The following BCAS1 variants were observed in gnomAD, a reference collection of about 807,000 sequenced individuals.
The protein encoded by BCAS1 is breast carcinoma-amplified sequence 1.
A neutral mutation model predicts 65.4 loss-of-function variants in BCAS1; 46 were observed. The ratio of observed to expected loss-of-function variants is 0.70; its 90% CI spans 0.55 to 0.90. The LOEUF (loss-of-function observed/expected upper bound fraction) is 0.90. Among genes scored for constraint, BCAS1 ranks in the 40% least tolerant of loss-of-function variants. BCAS1 has a pLI of 0.00. For synonymous variants in BCAS1, 298 were observed against 293.5 expected (o/e 1.02, Z -0.16); for missense variants, 793 against 771.2 (o/e 1.03, Z -0.33).
At chr20:53,948,358 T>TA (rs376736463) in intron 12 of BCAS1, among the ~76,000 whole-genome samples, 15 of 123,370 alleles carry the variant, frequency 1.2e-4, no homozygotes, top group African/African-American at 2.7e-4. Context: ...CTTCATTTAT[T>TA]AAAAAAAAAT....
At chr20:54,054,734 G>A (rs6127073) in intron 3 of BCAS1, among the ~76,000 whole-genome samples, 25,682 of 152,192 alleles carry the variant, frequency 0.17, 2,338 homozygotes, top group East Asian at 0.36. Flanking sequence ...AATAACCCAT[G>A]ACTCAGAAAT....
At chr20:53,970,351 T>C (rs1393102436) in intron 9 of BCAS1, among the ~76,000 whole-genome samples, 1 of 152,296 alleles carries the variant, frequency 6.6e-6, no homozygotes, top group East Asian at 1.9e-4. Context: ...TGGCTTTTAG[T>C]AGCCAAGGAA....
At chr20:53,945,164 G>A (rs2089270931) in intron 12 of BCAS1, among the ~76,000 whole-genome samples, 168 bp from the exon 13 acceptor site, 1 of 152,186 alleles carries the variant, frequency 6.6e-6, no homozygotes, top group South Asian at 2.1e-4. Flanking sequence ...GCCCGGGTTC[G>A]ATACCCAGTT....
intron 10 of BCAS1, among the ~76,000 whole-genome samples, chr20:53,962,956 T>C (rs904800147): frequency 2.0e-4 from 30 of 152,040 alleles, no homozygotes; most frequent in African/African-American, 7.0e-4. Flanking sequence ...ATTCACGCCA[T>C]TCTCCTGCCT....
At chr20:53,961,409 A>T (rs759199647) in intron 10 of BCAS1, among the ~76,000 whole-genome samples, 2 of 152,238 alleles carry the variant, frequency 1.3e-5, no homozygotes, top group Non-Finnish European at 2.9e-5. Flanking sequence ...GGATCAACAA[A>T]GGTAATGGAT....
intron 1 of BCAS1, among the ~76,000 whole-genome samples, chr20:54,065,113 CATCTATCTATCTATCT>C (rs5841974): frequency 5.0e-4 from 72 of 144,278 alleles, no homozygotes; most frequent in Admixed American, 3.0e-3. Context: ...ATCTATCTAT[CATCTATCTATCTATCT>C]ATCTATCTAT....
At chr20:53,964,889 C>T (rs2089985780) in intron 10 of BCAS1, among the ~76,000 whole-genome samples, 1 of 149,682 alleles carries the variant, frequency 6.7e-6, no homozygotes, top group African/African-American at 2.4e-5. Context: ...TGGAAGAGAC[C>T]ATCATTCTAT....
At chr20:54,022,464 T>C (rs896629605) in intron 4 of BCAS1, among the ~76,000 whole-genome samples, 1 of 152,234 alleles carries the variant, frequency 6.6e-6, no homozygotes. Context: ...GCATGACTAC[T>C]ACTGATGGCC....
At chr20:54,030,216 G>A (rs974265093) in intron 3 of BCAS1, among the ~76,000 whole-genome samples, 9 of 152,292 alleles carry the variant, frequency 5.9e-5, no homozygotes, top group African/African-American at 2.2e-4. Context: ...CACCAAGAAT[G>A]TTGGGATCCC....
intron 4 of BCAS1, among the ~76,000 whole-genome samples, chr20:54,014,190 A>G (rs868439360): frequency 2.6e-5 from 4 of 152,244 alleles, no homozygotes; most frequent in African/African-American, 7.2e-5. Flanking sequence ...CTCAGCAAAC[A>G]ACATTATACG....
chr20:53,996,420 T>C (rs998081612), intron 4 of BCAS1, among the ~76,000 whole-genome samples: 2 of 138,560 alleles, frequency 1.4e-5, no homozygotes, highest in African/African-American at 2.7e-5. Flanking sequence ...TCCCCAGAGA[T>C]GGCGTTTCCC....
intron 2 of BCAS1, among the ~76,000 whole-genome samples, 163 bp from the exon 3 acceptor site, chr20:54,058,317 C>G (rs1246761449): frequency 6.6e-6 from 1 of 152,096 alleles, no homozygotes; most frequent in Admixed American, 6.5e-5. Context: ...CTTGGAGAAC[C>G]AAAATAACTC....
intron 12 of BCAS1, among the ~76,000 whole-genome samples, chr20:53,946,295 C>G (rs901132676): frequency 2.0e-5 from 3 of 151,894 alleles, no homozygotes; most frequent in Non-Finnish European, 4.4e-5. Flanking sequence ...CTGGCAAGCA[C>G]CGATCTGTTT....
chr20:53,987,359 G>A (rs184038053), intron 7 of BCAS1, among the ~76,000 whole-genome samples: 2 of 152,306 alleles, frequency 1.3e-5, no homozygotes, highest in East Asian at 3.9e-4. Flanking sequence ...AGACAGTGAA[G>A]TCAAAATGGC....
chr20:54,015,049 A>AT (rs11480819), intron 4 of BCAS1, among the ~76,000 whole-genome samples: 48,315 of 146,404 alleles, frequency 0.33, 8,046 homozygotes, highest in East Asian at 0.66. Context: ...GCAGACTATG[A>AT]TTTTTTTTTT....
chr20:53,952,147 G>A (rs1055384018), intron 12 of BCAS1, among the ~76,000 whole-genome samples: 1 of 152,198 alleles, frequency 6.6e-6, no homozygotes, highest in African/African-American at 2.4e-5. Context: ...ATGTTTTATC[G>A]AAGGGTAACA....
At chr20:54,010,380 T>C (rs1304771758) in intron 4 of BCAS1, among the ~76,000 whole-genome samples, 1 of 152,124 alleles carries the variant, frequency 6.6e-6, no homozygotes, top group Admixed American at 6.5e-5. Context: ...CTAGAATTAA[T>C]AATTGAGTTC....
chr20:54,064,717 C>T (rs3787546), intron 1 of BCAS1, among the ~76,000 whole-genome samples: 21,133 of 152,212 alleles, frequency 0.14, 1,945 homozygotes, highest in East Asian at 0.32. Context: ...TAAAATCCCA[C>T]GATCGTGAGG....
chr20:54,049,894 G>A (rs2092180221), intron 3 of BCAS1, among the ~76,000 whole-genome samples: 1 of 152,080 alleles, frequency 6.6e-6, no homozygotes, highest in African/African-American at 2.4e-5. Flanking sequence ...CCTATGCTTG[G>A]GTCTGTTAGA....
Sources: gnomAD v4.1 joint callset for allele counts (sites outside exome capture counted in the v4.1 genomes callset) on GRCh38, gnomAD v4.1.1 for gene constraint, MANE v1.5 for transcripts, NCBI Gene and HGNC (gene_info 2026-07-23, HGNC 2026-07-21) for gene names.